Variants in GNAQ observed in about 807,000 individuals in gnomAD.
GNAQ encodes the protein G protein subunit alpha q.
In GNAQ, 8 loss-of-function variants were observed where a neutral mutation model predicts 43.9. The ratio of observed to expected loss-of-function variants is 0.18; its 90% CI spans 0.11 to 0.33. The LOEUF (loss-of-function observed/expected upper bound fraction) is 0.33, where lower values mean the gene tolerates loss of function less well. Ranked by LOEUF, GNAQ falls within the 10% of genes least tolerant of loss-of-function variation. The pLI, the probability that GNAQ is intolerant of heterozygous loss-of-function variation, is 1.00. For missense variants in GNAQ, 158 were observed against 450.8 expected (o/e 0.35, Z 5.88); for synonymous variants, 155 against 170.7 (o/e 0.91, Z 0.71).
chr9:77,884,116 C>T (rs1181842426), intron 2 of GNAQ, among the ~76,000 whole-genome samples: 2 of 152,158 alleles, frequency 1.3e-5, no homozygotes, highest in Admixed American at 6.5e-5. Flanking sequence ...AAGAGACAGC[C>T]AGCCCAAGAA....
At chr9:77,925,565 C>T (rs1829059266) in intron 1 of GNAQ, among the ~76,000 whole-genome samples, 1 of 152,130 alleles carries the variant, frequency 6.6e-6, no homozygotes, top group South Asian at 2.1e-4. Flanking sequence ...AATCTTGCTG[C>T]CATCTTCCAA....
chr9:77,977,613 A>G (rs1823320720), intron 1 of GNAQ, among the ~76,000 whole-genome samples: 1 of 152,186 alleles, frequency 6.6e-6, no homozygotes, highest in South Asian at 2.1e-4. Context: ...CAACGCAGAC[A>G]TGCACTCTCC....
chr9:77,942,175 C>A (rs1025681448), intron 1 of GNAQ, among the ~76,000 whole-genome samples: 3 of 152,074 alleles, frequency 2.0e-5, no homozygotes, highest in African/African-American at 7.2e-5. Flanking sequence ...AAAGATGTAA[C>A]AGAACTGGTA....
intron 6 of GNAQ, among the ~76,000 whole-genome samples, chr9:77,721,957 G>C (rs1825321351): frequency 6.6e-6 from 1 of 152,126 alleles, no homozygotes; most frequent in Non-Finnish European, 1.5e-5. Flanking sequence ...CAATATTATG[G>C]ATCATTTTAC....
At chr9:77,764,889 A>G (rs1229585773) in intron 5 of GNAQ, among the ~76,000 whole-genome samples, 1 of 152,208 alleles carries the variant, frequency 6.6e-6, no homozygotes, top group East Asian at 1.9e-4. Flanking sequence ...CCCTCACTGG[A>G]TCACAGTTTT....
chr9:78,025,020 C>T (rs1055799252), intron 1 of GNAQ, among the ~76,000 whole-genome samples: 2 of 152,144 alleles, frequency 1.3e-5, no homozygotes, highest in African/African-American at 4.8e-5. Flanking sequence ...AGGTTAACAA[C>T]AGAGCTGTAT....
chr9:77,746,487 C>T (rs760302132), intron 5 of GNAQ, among the ~76,000 whole-genome samples: 2 of 151,848 alleles, frequency 1.3e-5, no homozygotes, highest in African/African-American at 2.4e-5. Flanking sequence ...ATATGTTGAC[C>T]GTGTTTTGAA....
chr9:78,006,086 T>C (rs1471968778), intron 1 of GNAQ, among the ~76,000 whole-genome samples: 1 of 152,170 alleles, frequency 6.6e-6, no homozygotes, highest in East Asian at 1.9e-4. Context: ...TCCTGGAACG[T>C]GAGTTCTAAT....
intron 2 of GNAQ, among the ~76,000 whole-genome samples, chr9:77,866,247 G>A (rs913716118): frequency 2.0e-5 from 3 of 152,146 alleles, no homozygotes; most frequent in African/African-American, 7.2e-5. Flanking sequence ...GTAGGCCAAG[G>A]CGGGCAGATC....
At chr9:77,817,103 T>C (rs890336975) in intron 2 of GNAQ, among the ~76,000 whole-genome samples, 7 of 152,166 alleles carry the variant, frequency 4.6e-5, no homozygotes, top group Admixed American at 1.3e-4. Context: ...TTCCGTGTTC[T>C]CCCACCCACA....
rs72738421 is a variant in GNAQ, at chr9:77,987,130, G to T, written c.136+43970C>A. Among the ~76,000 whole-genome samples, 719 of 152,036 alleles carry T rather than the reference G, an allele frequency of 4.7e-3. 2 individuals carry two copies. Among genetic ancestry groups the T allele is most frequent in the Non-Finnish European group, 6.6e-3 (449 of 67,998 alleles). On this transcript the variant is annotated intron_variant, in intron 1 of 6. Transcript: ENST00000286548. ...CTTCCTTTTCTTTTCTTTGCCTGTC[G>T]TCATGTTGTTGGGAAAGCAAAAACA...
chr9:77,936,553 G>A (rs1260327799), intron 1 of GNAQ, among the ~76,000 whole-genome samples: 1 of 152,116 alleles, frequency 6.6e-6, no homozygotes, highest in Non-Finnish European at 1.5e-5. Flanking sequence ...GCCTCACATA[G>A]ACTGTACTTG....
chr9:77,771,009 A>AT (rs1826215056), intron 5 of GNAQ, among the ~76,000 whole-genome samples: 1 of 152,208 alleles, frequency 6.6e-6, no homozygotes. Flanking sequence ...CAGTTCTTAC[A>AT]TAGTTTTTAG....
intron 1 of GNAQ, among the ~76,000 whole-genome samples, chr9:77,992,639 G>A (rs1043266749): frequency 4.6e-5 from 7 of 152,050 alleles, no homozygotes; most frequent in African/African-American, 1.7e-4. Flanking sequence ...AAGCTAGCAG[G>A]TTTGAAACAA....
chr9:77,979,552 G>A lies in GNAQ; in HGVS notation c.136+51548C>T, dbSNP rs1379285751. Among the ~76,000 whole-genome samples, 17 of 151,838 alleles carry A rather than the reference G, an allele frequency of 1.1e-4. No individual in the cohort carries two copies. The East Asian group carries it at 3.1e-3, about 28-fold the overall frequency. ...GTGCCCCTTACTAGGAAAGCACAAG[G>A]GAACAGTTAACGAGCTAAACAATTA... On this transcript the variant is annotated intron_variant, in intron 1 of 6. Transcript: ENST00000286548.
chr9:77,772,432 C>A (rs1826240104), intron 5 of GNAQ, among the ~76,000 whole-genome samples: 1 of 152,176 alleles, frequency 6.6e-6, no homozygotes, highest in South Asian at 2.1e-4. Context: ...CCCCAATCTT[C>A]CTGGAATACA....
chr9:77,815,210 G>A (rs955086748), intron 3 of GNAQ, among the ~76,000 whole-genome samples: 2 of 152,116 alleles, frequency 1.3e-5, no homozygotes, highest in African/African-American at 4.8e-5. Context: ...TTTTTTGTTT[G>A]CAGTTTCTAA....
At chr9:77,976,912 G>A (rs974624894) in intron 1 of GNAQ, among the ~76,000 whole-genome samples, 4 of 152,132 alleles carry the variant, frequency 2.6e-5, no homozygotes, top group Admixed American at 2.0e-4. Flanking sequence ...GTCCCACCCA[G>A]TGTCACTCAT....
At chr9:77,980,772 A>G (rs2118493212) in intron 1 of GNAQ, among the ~76,000 whole-genome samples, 1 of 152,340 alleles carries the variant, frequency 6.6e-6, no homozygotes, top group Non-Finnish European at 1.5e-5. Context: ...CATGAATTCT[A>G]GAATTCTGGA....
Sources: allele counts gnomAD v4.1 joint callset (sites outside exome capture counted in the v4.1 genomes callset), GRCh38; gene constraint gnomAD v4.1.1; transcripts MANE v1.5; gene names NCBI Gene and HGNC (gene_info 2026-07-23, HGNC 2026-07-21).